NRG1: variants seen among roughly 807,000 people sequenced by gnomAD.
The protein encoded by NRG1 is pro-neuregulin-1, membrane-bound isoform.
A neutral mutation model predicts 63.8 loss-of-function variants in NRG1; 18 were observed. The ratio of observed to expected loss-of-function variants is 0.28; its 90% CI spans 0.19 to 0.42. The LOEUF is 0.42. Among genes scored for constraint, NRG1 ranks in the 10% least tolerant of loss-of-function variants. The pLI is 1.00. For synonymous variants in NRG1, 302 were observed against 301.3 expected (o/e 1.00, Z -0.02); for missense variants, 762 against 814.7 (o/e 0.94, Z 0.79).
intron 1 of NRG1, among the ~76,000 whole-genome samples, chr8:31,658,318 C>T (rs1038847297): frequency 6.6e-6 from 1 of 152,208 alleles, no homozygotes. Context: ...ACCTCTCACT[C>T]TGTACTCATG....
rs182581194 is a variant in NRG1, at chr8:32,252,759, G to A, written c.38-343069G>A. On this transcript the variant is annotated intron_variant, in intron 1 of 10. Coordinates refer to the NRG1 transcript ENST00000519301. Reference sequence around the variant, plus strand: ...AGTCAATAGTAGCTTGATGGGGATAGCATTGAATCTATAAATTACTTTGGG... The same window carrying A: ...AGTCAATAGTAGCTTGATGGGGATAACATTGAATCTATAAATTACTTTGGG... 5.9e-5 allele frequency among the ~76,000 whole-genome samples: 9 copies of A among 152,310 alleles called. No homozygotes were observed. The East Asian group carries it at 1.2e-3, about 20-fold the overall frequency.
intron 1 of NRG1, among the ~76,000 whole-genome samples, chr8:32,114,305 C>T (rs1832421927): frequency 6.6e-6 from 1 of 152,202 alleles, no homozygotes; most frequent in African/African-American, 2.4e-5. Flanking sequence ...TCAGGTCTCA[C>T]CCAGGAAAGT....
intron 1 of NRG1, among the ~76,000 whole-genome samples, chr8:32,556,622 C>T (rs986077876): frequency 1.3e-5 from 2 of 152,170 alleles, no homozygotes; most frequent in Admixed American, 6.5e-5. Flanking sequence ...TTCACTTTCA[C>T]AGTACTACAT....
At chr8:32,379,883 C>T (rs1810124659) in intron 1 of NRG1, among the ~76,000 whole-genome samples, 1 of 152,188 alleles carries the variant, frequency 6.6e-6, no homozygotes, top group Admixed American at 6.5e-5. Context: ...TTCCCCGTAT[C>T]ATGAATACCT....
chr8:31,723,293 A>G (rs1813102562), intron 1 of NRG1, among the ~76,000 whole-genome samples: 1 of 152,204 alleles, frequency 6.6e-6, no homozygotes, highest in Admixed American at 6.6e-5. Context: ...TAAAGAGGAC[A>G]GAGGACACCT....
chr8:31,904,915 A>G (rs1030283971), intron 1 of NRG1, among the ~76,000 whole-genome samples: 32 of 152,138 alleles, frequency 2.1e-4, no homozygotes, highest in Non-Finnish European at 7.4e-5. Flanking sequence ...CCTATCAAAT[A>G]CTATGCTTAT....
At chr8:31,929,109 T>G (rs561300086) in intron 1 of NRG1, among the ~76,000 whole-genome samples, 1 of 152,214 alleles carries the variant, frequency 6.6e-6, no homozygotes, top group Admixed American at 6.5e-5. Flanking sequence ...CACATTGTTG[T>G]AGAGAACTGA....
At chr8:32,045,982 A>G (rs1466818438) in intron 1 of NRG1, among the ~76,000 whole-genome samples, 1 of 152,092 alleles carries the variant, frequency 6.6e-6, no homozygotes, top group African/African-American at 2.4e-5. Context: ...TCTGTAAAAG[A>G]CACTATAAGA....
chr8:32,513,170 G>GGT (rs55982622), intron 1 of NRG1, among the ~76,000 whole-genome samples: 21,030 of 149,118 alleles, frequency 0.14, 2,629 homozygotes, highest in East Asian at 0.6. Context: ...TGCTGAAGCT[G>GGT]GTGTGTGTGT....
At chr8:32,089,435 G>GTGGAATAGCAATAATAATAA (rs1391946094) in intron 1 of NRG1, among the ~76,000 whole-genome samples, 3 of 152,130 alleles carry the variant, frequency 2.0e-5, no homozygotes, top group Non-Finnish European at 4.4e-5. Context: ...GTTCCCTTCT[G>GTGGAATAGCAATAATAATAA]TGGAATAGCA....
At position 32,717,246 on chromosome 8, in the gene NRG1, G is replaced by GA. The variant is rs1023962074; in HGVS notation, c.503-10695dup. The stretch of plus-strand genomic sequence containing the variant: ...TGGTTTTGGGTGGCGGGGGTGGCAA[G>GA]AAAAAAAAGGAAATCGTTTTCTTTA... On this transcript the variant is annotated intron_variant, in intron 5 of 11. Transcript: ENST00000356819. Among the ~76,000 whole-genome samples, 7 of 151,272 alleles carry GA rather than the reference G, an allele frequency of 4.6e-5. No individual in the cohort carries two copies. In the East Asian group the frequency reaches 5.8e-4, roughly 13 times the overall value.
chr8:31,784,585 A>C (rs1437126678), intron 1 of NRG1, among the ~76,000 whole-genome samples: 2 of 152,212 alleles, frequency 1.3e-5, no homozygotes, highest in Non-Finnish European at 2.9e-5. Flanking sequence ...ATCAGAAAAC[A>C]ATAACGTAAC....
chr8:32,017,284 A>G (rs1272834879), intron 1 of NRG1, among the ~76,000 whole-genome samples: 1 of 152,236 alleles, frequency 6.6e-6, no homozygotes, highest in African/African-American at 2.4e-5. Flanking sequence ...TTGGAGTGGA[A>G]AAACTGTATT....
At chr8:31,773,213 C>T (rs951928879) in intron 1 of NRG1, among the ~76,000 whole-genome samples, 10 of 152,276 alleles carry the variant, frequency 6.6e-5, no homozygotes, top group African/African-American at 2.2e-4. Flanking sequence ...GAAAGTGTGG[C>T]ACTGTCAGCA....
upstream of NRG1, among the ~76,000 whole-genome samples, chr8:32,547,662 A>G (rs1833231860): frequency 6.6e-6 from 1 of 151,638 alleles, no homozygotes; most frequent in Non-Finnish European, 1.5e-5. Flanking sequence ...AGCGCAACCT[A>G]GCATCTTTAA....
At chr8:32,605,963 C>A (rs1845190273) in intron 3 of NRG1, among the ~76,000 whole-genome samples, 1 of 151,686 alleles carries the variant, frequency 6.6e-6, no homozygotes, top group Non-Finnish European at 1.5e-5. Context: ...AGGGGCTATA[C>A]TATTTTTTTA....
intron 1 of NRG1, among the ~76,000 whole-genome samples, chr8:32,117,711 A>G (rs1832917366): frequency 6.6e-6 from 1 of 152,166 alleles, no homozygotes; most frequent in African/African-American, 2.4e-5. Context: ...GTATCATTTT[A>G]TGTACTCAAA....
At chr8:31,919,522 A>G (rs1347586511) in intron 1 of NRG1, among the ~76,000 whole-genome samples, 1 of 152,014 alleles carries the variant, frequency 6.6e-6, no homozygotes, top group East Asian at 1.9e-4. Context: ...CAATTTACAT[A>G]TTTATAGGAA....
intron 1 of NRG1, among the ~76,000 whole-genome samples, chr8:32,209,705 T>C (rs924030997): frequency 2.0e-5 from 3 of 150,184 alleles, no homozygotes; most frequent in Non-Finnish European, 4.4e-5. Flanking sequence ...TCTTTCTTTC[T>C]CTCTTTCCCT....
Sources: gnomAD v4.1 joint callset for allele counts (sites outside exome capture counted in the v4.1 genomes callset) on GRCh38, gnomAD v4.1.1 for gene constraint, MANE v1.5 for transcripts, NCBI Gene and HGNC (gene_info 2026-07-23, HGNC 2026-07-21) for gene names.